ENOX1: variants seen among roughly 807,000 people sequenced by gnomAD.
ENOX1 encodes the protein ecto-NOX disulfide-thiol exchanger 1, also known as candidate growth-related and time keeping constitutive hydroquinone (NADH) oxidase.
ENOX1 carries 42 observed loss-of-function variants against 82.5 expected under a neutral mutation model. The ratio of observed to expected loss-of-function variants is 0.51; its 90% CI spans 0.40 to 0.66. The LOEUF is 0.66. ENOX1 is among the 30% of genes least tolerant of loss of function. ENOX1 has a pLI of 0.00. For synonymous variants in ENOX1, 271 were observed against 282.2 expected (o/e 0.96, Z 0.40); for missense variants, 608 against 811.6 (o/e 0.75, Z 3.05).
At chr13:43,251,616 G>T (rs1253791383) in intron 14 of ENOX1, among the ~76,000 whole-genome samples, 1 of 152,150 alleles carries the variant, frequency 6.6e-6, no homozygotes, top group Non-Finnish European at 1.5e-5. Flanking sequence ...TTAGGGTAAG[G>T]ACCTAAGAAA....
intron 5 of ENOX1, among the ~76,000 whole-genome samples, chr13:43,380,796 T>C (rs1309927575): frequency 6.6e-6 from 1 of 151,704 alleles, no homozygotes; most frequent in Non-Finnish European, 1.5e-5. Context: ...AGATAAAAAA[T>C]ATAATTATGG....
intron 15 of ENOX1, among the ~76,000 whole-genome samples, chr13:43,224,932 T>C (rs891656890): frequency 6.6e-5 from 10 of 152,188 alleles, no homozygotes; most frequent in African/African-American, 2.2e-4. Flanking sequence ...ATAGTGAACA[T>C]GAGGAAGTCA....
At chr13:43,463,958 C>A (rs549195041) in intron 3 of ENOX1, among the ~76,000 whole-genome samples, 2 of 152,124 alleles carry the variant, frequency 1.3e-5, no homozygotes, top group Non-Finnish European at 2.9e-5. Context: ...CAGAGAGAGA[C>A]GAATGACATC....
At chr13:43,713,397 G>A (rs542039954) in intron 1 of ENOX1, among the ~76,000 whole-genome samples, 8 of 152,198 alleles carry the variant, frequency 5.3e-5, no homozygotes, top group Middle Eastern at 3.4e-3. Context: ...GTCTCTGCCC[G>A]GCTTTGGTAC....
chr13:43,616,117 G>GATATCTATATAGATAGATATCTATAT (rs1357546310), intron 2 of ENOX1, among the ~76,000 whole-genome samples: 11 of 14,972 alleles, frequency 7.3e-4, no homozygotes, highest in Admixed American at 1.1e-3. Context: ...GATATCTATA[G>GATATCTATATAGATAGATATCTATAT]ATCTATAGAT....
At chr13:43,290,289 A>G (rs1476802303) in intron 12 of ENOX1, among the ~76,000 whole-genome samples, 1 of 152,216 alleles carries the variant, frequency 6.6e-6, no homozygotes, top group East Asian at 1.9e-4. Flanking sequence ...GTTCATTGCT[A>G]TGCTATTCAC....
At chr13:43,578,143 G>C (rs1450616794) in intron 2 of ENOX1, among the ~76,000 whole-genome samples, 1 of 152,088 alleles carries the variant, frequency 6.6e-6, no homozygotes, top group East Asian at 1.9e-4. Flanking sequence ...AAACGATCTG[G>C]CTTCTAATAA....
intron 5 of ENOX1, among the ~76,000 whole-genome samples, chr13:43,403,280 T>C (rs1312874231): frequency 6.6e-6 from 1 of 152,124 alleles, no homozygotes; most frequent in African/African-American, 2.4e-5. Context: ...AAAAAATTTT[T>C]ATATTAATAA....
intron 1 of ENOX1, among the ~76,000 whole-genome samples, chr13:43,702,005 C>T (rs1594469639): frequency 6.6e-6 from 1 of 152,212 alleles, no homozygotes; most frequent in South Asian, 2.1e-4. Context: ...CTCCCTCCAT[C>T]CTATCCCTAT....
At chr13:43,240,600 T>C (rs2042774872) in intron 14 of ENOX1, among the ~76,000 whole-genome samples, 1 of 152,116 alleles carries the variant, frequency 6.6e-6, no homozygotes, top group Admixed American at 6.6e-5. Flanking sequence ...TGGTGGCTGA[T>C]GAAAATATTG....
At chr13:43,375,746 G>C (rs958304213) in intron 5 of ENOX1, among the ~76,000 whole-genome samples, 3 of 152,210 alleles carry the variant, frequency 2.0e-5, no homozygotes, top group Non-Finnish European at 4.4e-5. Flanking sequence ...ACCCAGGTCA[G>C]AGAGTGGCTA....
chr13:43,549,131 C>CT lies in ENOX1; in HGVS notation c.-218-64980dup, dbSNP rs529612577. Among the ~76,000 whole-genome samples the CT allele has an allele frequency of 5.3e-5, 8 of 152,282 alleles. No homozygotes were observed. In the South Asian group the frequency reaches 1.7e-3, roughly 32 times the overall value. On this transcript the variant is annotated intron_variant, in intron 2 of 16. Coordinates refer to ENST00000690772, the MANE Select transcript of ENOX1 (RefSeq NM_001347969.2). ...TTTTATCCTTGCCATGTAGGAAAGT[C>CT]TTTGGCACAAAATAGTAAAAATTTA...
intron 2 of ENOX1, among the ~76,000 whole-genome samples, chr13:43,579,034 G>GT: frequency 6.6e-6 from 1 of 151,578 alleles, no homozygotes; most frequent in Admixed American, 6.6e-5. Context: ...GTGTGGCCTT[G>GT]GGTAAGCTAC....
At chr13:43,779,749 T>C (rs1268905549) in intron 1 of ENOX1, among the ~76,000 whole-genome samples, 1 of 152,230 alleles carries the variant, frequency 6.6e-6, no homozygotes, top group Non-Finnish European at 1.5e-5. Flanking sequence ...CTGTGTCTTC[T>C]GCCCTGCTCT....
intron 16 of ENOX1, among the ~76,000 whole-genome samples, chr13:43,220,023 C>T (rs1027230108): frequency 6.6e-6 from 1 of 152,086 alleles, no homozygotes; most frequent in Non-Finnish European, 1.5e-5. Flanking sequence ...ACACAGACAC[C>T]TCACAACAAA....
At chr13:43,372,076 A>G (rs558223263) in intron 5 of ENOX1, among the ~76,000 whole-genome samples, 2 of 152,362 alleles carry the variant, frequency 1.3e-5, no homozygotes, top group South Asian at 4.1e-4. Flanking sequence ...CAGAATTTAC[A>G]GAGTTCATCC....
intron 3 of ENOX1, among the ~76,000 whole-genome samples, chr13:43,454,493 G>A (rs929662848): frequency 2.0e-5 from 3 of 152,070 alleles, no homozygotes; most frequent in Non-Finnish European, 4.4e-5. Flanking sequence ...TAAGTACTGT[G>A]TATATACTGA....
intron 2 of ENOX1, among the ~76,000 whole-genome samples, chr13:43,653,119 TG>T (rs2084271529): frequency 1.3e-5 from 2 of 152,222 alleles, no homozygotes; most frequent in South Asian, 4.1e-4. Flanking sequence ...TTCTTCCACC[TG>T]GAAGTACAAT....
At chr13:43,396,230 C>T (rs1280650475) in intron 5 of ENOX1, among the ~76,000 whole-genome samples, 1 of 152,172 alleles carries the variant, frequency 6.6e-6, no homozygotes, top group Non-Finnish European at 1.5e-5. Context: ...CTCCTTGTTT[C>T]TTCAAAGTCT....
Sources: gnomAD v4.1 joint callset for allele counts (sites outside exome capture counted in the v4.1 genomes callset) on GRCh38, gnomAD v4.1.1 for gene constraint, MANE v1.5 for transcripts, NCBI Gene and HGNC (gene_info 2026-07-23, HGNC 2026-07-21) for gene names.